The following TMEM177 variants were observed in gnomAD, a reference collection of about 807,000 sequenced individuals.
TMEM177 encodes transmembrane protein 177.
In TMEM177, 4 loss-of-function variants were observed where a neutral mutation model predicts 14.2. The observed-to-expected ratio is 0.28, with a 90% confidence interval of 0.14 to 0.64. The LOEUF (loss-of-function observed/expected upper bound fraction) is 0.64, where lower values mean the gene tolerates loss of function less well. TMEM177 is among the 30% of genes least tolerant of loss of function. The probability of loss-of-function intolerance (pLI) is 0.82; values close to 1 mark genes in which losing one functional copy is unlikely to be tolerated. For synonymous variants in TMEM177, 179 were observed against 174.5 expected, an observed-to-expected ratio of 1.03 and a Z score of -0.20; for missense variants, 344 against 405.2, an observed-to-expected ratio of 0.85 and a Z score of 1.30.
the TMEM177 span, chr2:119,698,561 AGGAT>A: frequency 6.5e-6 from 1 of 154,998 alleles, no homozygotes; most frequent in Non-Finnish European, 1.4e-5. Context: ...AGAGGAACCT[AGGAT>A]GGAAGTGAAA....
chr2:119,680,863 C>T lies in TMEM177; in HGVS notation c.10C>T (p.Pro4Ser), dbSNP rs752337645. ...CGCAGTGACTACACTCATGGCAGGT[C>T]CCCTGTGGCGGACCGCAGCATTTGT... MAG[P>S]LWRTAAFVQR... The change falls in exon 2 of 2, where the codon CCC becomes TCC. Residue 4 changes from proline (P) to serine (S), a missense_variant. Transcript: ENST00000272521. The T allele has an allele frequency of 6.2e-7, 1 of 1,612,776 alleles. No individual in the cohort carries two copies. The highest frequency in any genetic ancestry group is 1.3e-5 in the African/African-American group (1 of 75,046).
chr2:119,692,545 A>G, the TMEM177 span, among the ~76,000 whole-genome samples: 1 of 152,216 alleles, frequency 6.6e-6, no homozygotes, highest in East Asian at 1.9e-4. Context: ...GCCTCACCTG[A>G]GGTGAAGCTT....
chr2:119,710,509 C>T, the TMEM177 span, among the ~76,000 whole-genome samples: 1 of 152,282 alleles, frequency 6.6e-6, no homozygotes, highest in Non-Finnish European at 1.5e-5. Flanking sequence ...CCCCAGGAGC[C>T]CACCCCAGAC....
At chr2:119,697,406 T>A in the TMEM177 span, among the ~76,000 whole-genome samples, 10 of 151,980 alleles carry the variant, frequency 6.6e-5, no homozygotes, top group Admixed American at 1.3e-4. Flanking sequence ...ACTAAAAATA[T>A]AAAAATTACC....
chr2:119,710,070 G>T, the TMEM177 span, among the ~76,000 whole-genome samples: 1 of 152,214 alleles, frequency 6.6e-6, no homozygotes, highest in Non-Finnish European at 1.5e-5. Context: ...CTAGATAGAA[G>T]TGGTGGTTGC....
Position 119,681,525 on chromosome 2 carries a change from T to A in TMEM177, c.672T>A (p.Thr224=). The change falls in exon 2 of 2, where the codon ACT becomes ACA. Residue 224 remains threonine, a synonymous_variant. Transcript: ENST00000272521. ...VAYAFSQDSL[T]HAVESWLDRR... ...ACGCCTTCTCCCAGGATTCTCTCAC[T>A]CATGCCGTGGAGTCCTGGCTGGACC... 6.2e-7 allele frequency: 1 copy of A among 1,614,108 alleles called. No individual in the cohort carries two copies. The highest frequency in any genetic ancestry group is 8.5e-7 in the Non-Finnish European group (1 of 1,180,042).
At chr2:119,706,107 T>C in the TMEM177 span, among the ~76,000 whole-genome samples, 1 of 151,416 alleles carries the variant, frequency 6.6e-6, no homozygotes, top group South Asian at 2.1e-4. Context: ...CAGTGCAACC[T>C]CTGCCTCCCA....
At chr2:119,693,200 G>C in the TMEM177 span, among the ~76,000 whole-genome samples, 1 of 152,198 alleles carries the variant, frequency 6.6e-6, no homozygotes, top group Non-Finnish European at 1.5e-5. Context: ...TGAGGAGGTA[G>C]GGGCCACAGC....
the TMEM177 span, among the ~76,000 whole-genome samples, chr2:119,697,775 T>G: frequency 6.6e-6 from 1 of 152,118 alleles, no homozygotes; most frequent in Non-Finnish European, 1.5e-5. Flanking sequence ...CGCTGAGGGC[T>G]TCCCCTCCAC....
the TMEM177 span, among the ~76,000 whole-genome samples, chr2:119,709,211 C>T: frequency 6.6e-6 from 1 of 152,332 alleles, no homozygotes; most frequent in South Asian, 2.1e-4. Context: ...GACAAGGGTC[C>T]TCACTAAGTG....
chr2:119,680,706 A>C, intron 1 of TMEM177, 126 bp from the exon 2 acceptor site: 1 of 710,084 alleles, frequency 1.4e-6, no homozygotes. Context: ...CTCTGGCTCT[A>C]GAGCCCACAC....
At chr2:119,686,428 A>G (rs1337699418), downstream of TMEM177, 4 of 152,230 alleles carry the variant, frequency 2.6e-5, no homozygotes, top group African/African-American at 7.2e-5. Flanking sequence ...CAGTTAGGGC[A>G]GTTTTCCCAG....
At chr2:119,691,090 A>C (rs757283366), downstream of TMEM177, among the ~76,000 whole-genome samples, 28 of 152,138 alleles carry the variant, frequency 1.8e-4, no homozygotes, top group Admixed American at 3.9e-4. Flanking sequence ...AGGATCTGGA[A>C]TCAGAGTCCT....
the TMEM177 span, among the ~76,000 whole-genome samples, chr2:119,699,564 C>T: frequency 6.6e-6 from 1 of 152,178 alleles, no homozygotes; most frequent in Non-Finnish European, 1.5e-5. Context: ...CCAGGTTCCA[C>T]ACAGGAAGAG....
chr2:119,699,357 G>A, the TMEM177 span, among the ~76,000 whole-genome samples: 3 of 152,190 alleles, frequency 2.0e-5, no homozygotes, highest in African/African-American at 7.2e-5. Context: ...AGCACGGCAC[G>A]GGGGAACCGC....
the TMEM177 span, among the ~76,000 whole-genome samples, chr2:119,697,517 C>T: frequency 9.2e-5 from 14 of 152,190 alleles, no homozygotes; most frequent in African/African-American, 3.4e-4. Context: ...CCACTGCACT[C>T]CAGCCAGGGC....
chr2:119,719,710 T>G, the TMEM177 span, among the ~76,000 whole-genome samples: 1 of 151,514 alleles, frequency 6.6e-6, no homozygotes, highest in African/African-American at 2.4e-5. Context: ...TGAAATGGAG[T>G]GGGAATGGGC....
chr2:119,694,115 C>T, the TMEM177 span, among the ~76,000 whole-genome samples: 1 of 100,234 alleles, frequency 1.0e-5, no homozygotes, highest in South Asian at 3.9e-4. Context: ...ACACATACCA[C>T]ATGCACCACA....
the TMEM177 span, among the ~76,000 whole-genome samples, chr2:119,704,180 T>G: frequency 2.0e-5 from 3 of 152,014 alleles, no homozygotes; most frequent in African/African-American, 7.2e-5. Flanking sequence ...AATGTCTCCA[T>G]GGAAGAGGAA....
Sources: allele counts gnomAD v4.1 joint callset (sites outside exome capture counted in the v4.1 genomes callset), GRCh38; gene constraint gnomAD v4.1.1; transcripts MANE v1.5; gene names NCBI Gene and HGNC (gene_info 2026-07-23, HGNC 2026-07-21).